The following MOK variants were observed in gnomAD, a reference collection of about 807,000 sequenced individuals.
The protein encoded by MOK is MAPK/MAK/MRK overlapping kinase.
In MOK, 59 loss-of-function variants were observed where a neutral mutation model predicts 54.2. That is an observed-to-expected ratio of 1.09 (90% confidence interval 0.88 to 1.35). The LOEUF is 1.35. Among genes scored for constraint, MOK ranks in the 40% most tolerant of loss-of-function variants. MOK has a pLI of 0.00. For missense variants in MOK, 517 were observed against 526.2 expected (o/e 0.98, Z 0.17); for synonymous variants, 210 against 202.7 (o/e 1.04, Z -0.31).
At chr14:102,293,737 G>GAAAAGA in intron 1 of MOK, among the ~76,000 whole-genome samples, 1 of 116,850 alleles carries the variant, frequency 8.6e-6, no homozygotes, top group Non-Finnish European at 1.9e-5. Context: ...GAAAAGAAAA[G>GAAAAGA]AAAAAAAAGA....
chr14:102,289,320 T>C (rs917499050), intron 1 of MOK, among the ~76,000 whole-genome samples: 4 of 151,718 alleles, frequency 2.6e-5, no homozygotes, highest in Non-Finnish European at 4.4e-5. Context: ...TAAAAGTATA[T>C]ACAGGGAAAA....
At chr14:102,267,508 G>C (rs773928345) in intron 2 of MOK, among the ~76,000 whole-genome samples, 2 of 152,210 alleles carry the variant, frequency 1.3e-5, no homozygotes, top group Admixed American at 1.3e-4. Context: ...GGAGGCTGCA[G>C]TAAGCCAAGA....
At chr14:102,234,573 G>A (rs542141134) in intron 7 of MOK, among the ~76,000 whole-genome samples, 3 of 152,126 alleles carry the variant, frequency 2.0e-5, no homozygotes, top group South Asian at 2.1e-4. Flanking sequence ...GGACGTCACC[G>A]GCAGTCTCTT....
At chr14:102,223,086 G>T (rs1283699567), downstream of MOK, 2 of 503,228 alleles carry the variant, frequency 4.0e-6, no homozygotes, top group Non-Finnish European at 7.0e-6. Flanking sequence ...ATTTTAAACC[G>T]GTCTTTTGGG....
At chr14:102,279,071 CTAAA>C in intron 2 of MOK, among the ~76,000 whole-genome samples, 1 of 152,154 alleles carries the variant, frequency 6.6e-6, no homozygotes, top group Non-Finnish European at 1.5e-5. Flanking sequence ...ATTGCATGAA[CTAAA>C]ATGGAGGAGC....
intron 2 of MOK, among the ~76,000 whole-genome samples, chr14:102,276,224 C>T (rs954662156): frequency 4.6e-5 from 7 of 152,184 alleles, no homozygotes; most frequent in African/African-American, 1.2e-4. Context: ...GTGGCTCACG[C>T]CTGTAATCCC....
intron 2 of MOK, among the ~76,000 whole-genome samples, chr14:102,282,688 C>A (rs796367152): frequency 6.6e-6 from 1 of 151,878 alleles, no homozygotes; most frequent in Non-Finnish European, 1.5e-5. Context: ...GAGCCAAGAT[C>A]GAGCCATTGC....
chr14:102,241,530 A>T (rs2065716530), intron 7 of MOK, among the ~76,000 whole-genome samples: 1 of 152,220 alleles, frequency 6.6e-6, no homozygotes, highest in Non-Finnish European at 1.5e-5. Flanking sequence ...CATCAAATAT[A>T]AAAACTCAAC....
intron 4 of MOK, among the ~76,000 whole-genome samples, chr14:102,262,440 A>T (rs2067559857): frequency 6.6e-6 from 1 of 152,248 alleles, no homozygotes; most frequent in Admixed American, 6.5e-5. Context: ...TATAGGCATG[A>T]GCCACTGCAC....
At chr14:102,303,920 G>C (rs2072505972) in intron 1 of MOK, among the ~76,000 whole-genome samples, 1 of 152,066 alleles carries the variant, frequency 6.6e-6, no homozygotes, top group African/African-American at 2.4e-5. Context: ...ACAAACAGAT[G>C]GGAAGAAAAA....
At chr14:102,257,484 C>T (rs2067061681) in intron 4 of MOK, among the ~76,000 whole-genome samples, 1 of 152,102 alleles carries the variant, frequency 6.6e-6, no homozygotes, top group Non-Finnish European at 1.5e-5. Context: ...CAGAGTAACC[C>T]CTCTTGAGTT....
intron 1 of MOK, among the ~76,000 whole-genome samples, chr14:102,289,318 T>C (rs1479699437): frequency 1.3e-5 from 2 of 151,774 alleles, no homozygotes; most frequent in Non-Finnish European, 2.9e-5. Context: ...AGTAAAAGTA[T>C]ATACAGGGAA....
downstream of MOK, among the ~76,000 whole-genome samples, chr14:102,227,735 C>T (rs1027028307): frequency 3.3e-5 from 5 of 152,168 alleles, no homozygotes; most frequent in African/African-American, 9.7e-5. Context: ...ACTCGCTGCC[C>T]CACGCTCCCC....
chr14:102,298,904 G>A (rs908231498), intron 1 of MOK, among the ~76,000 whole-genome samples: 5 of 152,058 alleles, frequency 3.3e-5, no homozygotes, highest in South Asian at 2.1e-4. Flanking sequence ...CAGATGCGCC[G>A]CCTTCAGAGC....
chr14:102,297,781 G>A (rs140263924), intron 1 of MOK, among the ~76,000 whole-genome samples: 21 of 152,306 alleles, frequency 1.4e-4, no homozygotes, highest in Non-Finnish European at 2.6e-4. Context: ...CACTAGGTGC[G>A]GCCAGCTGGT....
downstream of MOK, among the ~76,000 whole-genome samples, chr14:102,221,790 G>C (rs536824617): frequency 6.6e-6 from 1 of 152,292 alleles, no homozygotes; most frequent in East Asian, 1.9e-4. This position sits in a 1 kb window ranked among gnomAD's most constrained non-coding sequence, Gnocchi z 4.8. Context: ...CAATATGTGA[G>C]AAGGTAGCAA....
rs976005061 is a variant in MOK at position 102,228,944 on chromosome 14, C to T, written c.*345G>A. ...ACCAGCAGCGCTGGGAAGGGACACG[C>T]AGAACCCACCTTCCAACCACGCCCA... On this transcript the variant is annotated 3_prime_UTR_variant, in exon 12 of 12. Transcript: ENST00000361847. 6 of 307,308 alleles carry T rather than the reference C, an allele frequency of 2.0e-5. No individual in the cohort carries two copies. Among genetic ancestry groups the T allele is most frequent in the Admixed American group, 1.9e-4 (4 of 21,508 alleles). 19.0% of individuals were successfully genotyped at this position (307,308 alleles called of 1,614,324 possible). A position where few individuals can be genotyped will look rare whatever the true frequency, so the allele number is the denominator to read the frequency against.
Position 102,257,317 on chromosome 14 carries a change from T to C in MOK, c.284-5322A>G, listed in dbSNP as rs551703484. Reference sequence around the variant, plus strand: ...GGCAGAAGAGGCATGATTCCAGGCCTGGTAGCTGCAGCAGCTTTATTCTGC... The same window carrying C: ...GGCAGAAGAGGCATGATTCCAGGCCCGGTAGCTGCAGCAGCTTTATTCTGC... On this transcript the variant is annotated intron_variant, in intron 4 of 11. Transcript: ENST00000361847. 1.4e-3 allele frequency among the ~76,000 whole-genome samples: 206 copies of C among 152,148 alleles called. 1 individual carries two copies. The highest frequency in any genetic ancestry group is 5.6e-3 in the South Asian group (27 of 4,812).
At chr14:102,259,653 T>C (rs1034703925) in intron 4 of MOK, among the ~76,000 whole-genome samples, 1 of 152,164 alleles carries the variant, frequency 6.6e-6, no homozygotes, top group East Asian at 1.9e-4. Context: ...TCAGGTTATC[T>C]AGGTTCAGCC....
Sources: gnomAD v4.1 joint callset for allele counts (sites outside exome capture counted in the v4.1 genomes callset) on GRCh38, gnomAD v4.1.1 for gene constraint, Gnocchi (gnomAD v3.1) non-coding constraint, MANE v1.5 for transcripts, NCBI Gene and HGNC (gene_info 2026-07-23, HGNC 2026-07-21) for gene names.